GBP7: variants seen among roughly 807,000 people sequenced by gnomAD.
The protein encoded by GBP7 is guanylate-binding protein 7.
GBP7 carries 43 observed loss-of-function variants against 61.3 expected under a neutral mutation model. The ratio of observed to expected loss-of-function variants is 0.70; its 90% CI spans 0.55 to 0.91. GBP7 has a LOEUF of 0.91. Ranked by LOEUF, GBP7 falls within the 40% of genes least tolerant of loss-of-function variation. The pLI is 0.00. For synonymous variants in GBP7, 267 were observed against 271.0 expected (o/e 0.99, Z 0.14); for missense variants, 717 against 740.5 (o/e 0.97, Z 0.37).
At position 89,152,513 on chromosome 1, in the gene GBP7, A is replaced by G. The variant is rs760247074; in HGVS notation, c.429-49T>C. 2.6e-5 allele frequency: 41 copies of G among 1,574,746 alleles called. 1 individual carries two copies. The highest frequency in any genetic ancestry group is 5.1e-5 in the Admixed American group (3 of 58,624). ...TAGCACCCTACACCATCATTTCCAC[A>G]TCTCACTTAGAAACAAGTTTTATAC... On this transcript the variant is annotated intron_variant, in intron 4 of 10. Transcript: ENST00000294671.
intron 7 of GBP7, 106 bp from the exon 8 acceptor site, chr1:89,147,885 A>C: frequency 8.8e-7 from 1 of 1,137,276 alleles, no homozygotes; most frequent in Non-Finnish European, 1.3e-6. Context: ...GAGCAGGCTG[A>C]GTTACGGTGT....
chr1:89,168,851 C>T (rs971847561), intron 2 of GBP7, among the ~76,000 whole-genome samples: 13 of 152,242 alleles, frequency 8.5e-5, no homozygotes, highest in Admixed American at 2.0e-4. Context: ...CTCCTGTAAT[C>T]CCAGCTACTC....
At chr1:89,157,464 C>T (rs149964054) in intron 3 of GBP7, among the ~76,000 whole-genome samples, 15 of 151,708 alleles carry the variant, frequency 9.9e-5, no homozygotes, top group Admixed American at 7.2e-4. Context: ...ACTACCAAGA[C>T]GAATAAAGAA....
chr1:89,132,057 T>G lies in GBP7; in HGVS notation c.*92A>C, dbSNP rs41288381. 37,810 of 1,127,752 alleles carry G rather than the reference T, an allele frequency of 0.034. 1,354 individuals carry two copies. The highest frequency in any genetic ancestry group is 0.17 in the African/African-American group (10,904 of 63,686). 69.9% of individuals were successfully genotyped at this position (1,127,752 alleles called of 1,614,324 possible). Reference sequence around the variant, plus strand: ...GCCATAATATTCTTTGAAATTTGCTTTTTAATTTTAAACTTTTCTTAAATG... The same window carrying G: ...GCCATAATATTCTTTGAAATTTGCTGTTTAATTTTAAACTTTTCTTAAATG... On this transcript the variant is annotated 3_prime_UTR_variant, in exon 11 of 11. Transcript: ENST00000294671.
chr1:89,150,311 T>C lies in GBP7; in HGVS notation c.871+19A>G, dbSNP rs768258405. On this transcript the variant is annotated intron_variant, in intron 6 of 10. Transcript: ENST00000294671. Reference sequence around the variant, plus strand: ...TACAGTAGGCCTCAGTAAACACCCATATAGGGAAATAGACTCACGGTTTCC... The same window carrying C: ...TACAGTAGGCCTCAGTAAACACCCACATAGGGAAATAGACTCACGGTTTCC... 1.2e-6 allele frequency: 2 copies of C among 1,609,576 alleles called. No homozygotes were observed. Among genetic ancestry groups the C allele is most frequent in the Admixed American group, 3.3e-5 (2 of 59,936 alleles).
chr1:89,133,934 C>T (rs1395401730), intron 9 of GBP7, among the ~76,000 whole-genome samples: 1 of 152,172 alleles, frequency 6.6e-6, no homozygotes, highest in Non-Finnish European at 1.5e-5. Context: ...AACTCCCATC[C>T]CCCAAGGCTT....
rs2100633099 is a variant in GBP7 at position 89,133,548 on chromosome 1, A to G, written c.1469-97T>C. ...GATGGAGTCAGGAAGAGCTTCTCCC[A>G]CTGAGAGACCAGACCGTAAAGAAGA... On this transcript the variant is annotated intron_variant, in intron 9 of 10. Coordinates refer to ENST00000294671, the MANE Select transcript of GBP7 (RefSeq NM_207398.3). The G allele has an allele frequency of 3.0e-5, 28 of 942,024 alleles. No homozygotes were observed. The South Asian group carries it at 3.8e-4, about 13-fold the overall frequency. 58.4% of individuals were successfully genotyped at this position (942,024 alleles called of 1,614,324 possible).
intron 3 of GBP7, among the ~76,000 whole-genome samples, chr1:89,158,130 AT>A (rs1682358113): frequency 6.6e-6 from 1 of 152,206 alleles, no homozygotes; most frequent in Admixed American, 6.5e-5. Flanking sequence ...TTCTCAATAG[AT>A]TCAGAAAAGG....
At chr1:89,174,472 C>T (rs905584001) in intron 1 of GBP7, among the ~76,000 whole-genome samples, 2 of 152,192 alleles carry the variant, frequency 1.3e-5, no homozygotes, top group Non-Finnish European at 2.9e-5. Flanking sequence ...TTCACGTTCA[C>T]ATTTAGATCT....
intron 8 of GBP7, among the ~76,000 whole-genome samples, chr1:89,144,731 TG>T: frequency 6.6e-6 from 1 of 152,094 alleles, no homozygotes; most frequent in Middle Eastern, 3.4e-3. Context: ...ATCTTTTTTT[TG>T]TGTGTGTGTG....
rs1682228248 is a variant in GBP7 at position 89,152,546 on chromosome 1, C to G, written c.429-82G>C. ...TAGAAACAAGTTTTATACACATTCC[C>G]TTTTGCACTGTTTCTCTTCTTACTC... is the stretch of plus-strand genomic sequence containing the variant. On this transcript the variant is annotated intron_variant, in intron 4 of 10. Transcript: ENST00000294671. The G allele has an allele frequency of 5.3e-6, 8 of 1,509,420 alleles. No homozygotes were observed. In the Admixed American group the frequency reaches 1.2e-4, roughly 23 times the overall value. 93.5% of individuals were successfully genotyped at this position (1,509,420 alleles called of 1,614,324 possible). A position where few individuals can be genotyped will look rare whatever the true frequency, so the allele number is the denominator to read the frequency against.
intron 2 of GBP7, among the ~76,000 whole-genome samples, chr1:89,167,429 T>TTTTGTTTG (rs58177839): frequency 0.017 from 2,516 of 152,242 alleles, 66 homozygotes; most frequent in African/African-American, 0.056. Flanking sequence ...CTCTGTGTTT[T>TTTTGTTTG]TTTGTTTGTT....
rs115324983 is a variant in GBP7, at chr1:89,146,849, A to G, written c.1365+718T>C. On this transcript the variant is annotated intron_variant, in intron 8 of 10. Coordinates refer to ENST00000294671, the MANE Select transcript of GBP7 (RefSeq NM_207398.3). ...TAGACACCGTTGGGAGGAAATTAGT[A>G]TAGGAAAGTAAATTAGTATAGTCAT... Among the ~76,000 whole-genome samples, 1,081 of 152,302 alleles carry G rather than the reference A, an allele frequency of 7.1e-3. 15 individuals are homozygous for G. The highest frequency in any genetic ancestry group is 0.025 in the African/African-American group (1,030 of 41,560).
At position 89,133,294 on chromosome 1, in the gene GBP7, C is replaced by T. The variant is rs1170396151; in HGVS notation, c.1626G>A (p.Met542Ile). 1.5e-6 allele frequency: 2 copies of T among 1,368,290 alleles called. No homozygotes were observed. Among genetic ancestry groups the T allele is most frequent in the Non-Finnish European group, 1.0e-6 (1 of 983,860 alleles). The allele number at this position is 1,368,290 out of a possible 1,614,324, so 84.8% of individuals were successfully genotyped here. A position where few individuals can be genotyped will look rare whatever the true frequency, so the allele number is the denominator to read the frequency against. ...KKMERERENY[M>I]RELRKMLSHK... is the part of the protein sequence containing the mutation. ...GACTCAACATCTTTCTCAGTTCTCTCATATAGTTTTCCCTTTCCCTCTCCA... is the reference window on the plus strand; with the variant it reads ...GACTCAACATCTTTCTCAGTTCTCTTATATAGTTTTCCCTTTCCCTCTCCA... Residue 542 changes from methionine to isoleucine, a missense_variant, in exon 10 of 11, where the codon ATG becomes ATA. Around this residue, in one of 3 missense-constraint regions of GBP7, gnomAD observed 312 missense variants for 310.1 expected, o/e 1.01. Transcript: ENST00000294671.
intron 1 of GBP7, among the ~76,000 whole-genome samples, chr1:89,175,542 G>A (rs1284093835): frequency 6.6e-6 from 1 of 152,182 alleles, no homozygotes; most frequent in Non-Finnish European, 1.5e-5. Context: ...TTATAATAAT[G>A]TGTTGCCTCT....
intron 3 of GBP7, among the ~76,000 whole-genome samples, chr1:89,159,411 A>G (rs184619736): frequency 3.3e-5 from 5 of 152,380 alleles, no homozygotes; most frequent in African/African-American, 1.2e-4. Flanking sequence ...AAGTACCATC[A>G]GAGTGAACAG....
At chr1:89,152,631 T>C (rs1293104121) in intron 4 of GBP7, 37 bp downstream of exon 4, 1 of 1,590,406 alleles carries the variant, frequency 6.3e-7, no homozygotes, top group African/African-American at 1.4e-5. Flanking sequence ...TCCCCTAAAC[T>C]CCATAAAACC....
chr1:89,149,463 C>T lies in GBP7; in HGVS notation c.981G>A (p.Val327=), dbSNP rs775015333. The T allele has an allele frequency of 1.1e-5, 17 of 1,614,132 alleles. No individual in the cohort carries two copies. Among genetic ancestry groups the T allele is most frequent in the Non-Finnish European group, 1.4e-5 (17 of 1,180,016 alleles). ...GGCTGTAGTGGTTGGCTGCCCTCTG[C>T]ACGGCTGCTGAGTTCTCACACTGGG... ...VLAQCENSAA[V]QRAANHYSQQ... The change falls in exon 7 of 11, where the codon GTG becomes GTA. Residue 327 remains valine, a synonymous_variant. Coordinates refer to ENST00000294671, the MANE Select transcript of GBP7 (RefSeq NM_207398.3).
At chr1:89,160,758 T>TA (rs373891937) in intron 3 of GBP7, among the ~76,000 whole-genome samples, 1 of 152,128 alleles carries the variant, frequency 6.6e-6, no homozygotes, top group African/African-American at 2.4e-5. Context: ...AAACAACACT[T>TA]AAAAAAATTT....
Sources: gnomAD v4.1 joint callset for allele counts (sites outside exome capture counted in the v4.1 genomes callset) on GRCh38, gnomAD v4.1.1 for gene constraint, gnomAD v4.1.1 regional missense constraint, MANE v1.5 for transcripts, NCBI Gene and HGNC (gene_info 2026-07-23, HGNC 2026-07-21) for gene names.